Variants in AARS2 observed in about 807,000 individuals in gnomAD.
AARS2 encodes alanyl-tRNA synthetase 2, mitochondrial, also known as alanine--tRNA ligase, mitochondrial.
Under a neutral mutation model 119.7 loss-of-function variants are expected in AARS2, and 78 were observed. The ratio of observed to expected loss-of-function variants is 0.65; its 90% CI spans 0.54 to 0.79. The LOEUF is 0.79. AARS2 is among the 30% of genes least tolerant of loss of function. The probability of loss-of-function intolerance (pLI) is 0.00; values close to 1 mark genes in which losing one functional copy is unlikely to be tolerated. For synonymous variants in AARS2, 502 were observed against 526.3 expected, an observed-to-expected ratio of 0.95 and a Z score of 0.63; for missense variants, 1,157 against 1,291.3, an observed-to-expected ratio of 0.90 and a Z score of 1.59.
At chr6:44,311,563 G>C (rs200911992) in intron 2 of AARS2, 28 bp from the exon 3 acceptor site, 1 of 1,608,612 alleles carries the variant, frequency 6.2e-7, no homozygotes, top group Non-Finnish European at 8.5e-7. Context: ...ATGGGGTGGG[G>C]GGGGAAGACG....
rs1477120427 is a variant in AARS2 at position 44,312,265 on chromosome 6, T to A, written c.244-2A>T. ...GGTGCCCAGAAAGATTGGCTTGAAC[T>A]GGAAGCACATAGAGTGGGGAGGGGG... On this transcript the variant is annotated splice_acceptor_variant, in intron 1 of 21. Transcript: ENST00000244571. LOFTEE classifies it high-confidence loss of function. 1.2e-6 allele frequency: 2 copies of A among 1,613,434 alleles called. No homozygotes were observed. Among genetic ancestry groups the A allele is most frequent in the Non-Finnish European group, 1.7e-6 (2 of 1,179,540 alleles).
chr6:44,312,823 C>T (rs1174817005), intron 1 of AARS2, among the ~76,000 whole-genome samples: 1 of 152,200 alleles, frequency 6.6e-6, no homozygotes, highest in African/African-American at 2.4e-5. Flanking sequence ...TGAAATCAGA[C>T]TTCTCCCTCG....
rs1408809400 is a variant in AARS2 at position 44,304,281 on chromosome 6, TG to T, written c.1906del (p.His636ThrfsTer3). 2 of 1,614,028 alleles carry T rather than the reference TG, an allele frequency of 1.2e-6. No homozygotes were observed. Among genetic ancestry groups the T allele is most frequent in the African/African-American group, 1.3e-5 (1 of 74,912 alleles). On this transcript the variant is annotated frameshift_variant, in exon 14 of 22. Transcript: ENST00000244571. LOFTEE classifies it high-confidence loss of function. ...CTGCCTCAGTGCCCAGTTCAGCAGG[TG>T]GGTGGCCGTATGCTTCGCCATGCAG... is the stretch of plus-strand genomic sequence containing the variant. ...LGCMAKHTAT[H>X]LLNWALRQTL...
chr6:44,306,339 C>T lies in AARS2; in HGVS notation c.1241G>A (p.Arg414Gln), dbSNP rs373597329. The change falls in exon 9 of 22, where the codon CGG becomes CAG. Residue 414 changes from arginine to glutamine, a missense_variant. Arg to Gln is a conservative substitution (Grantham distance 43, BLOSUM62 1). Transcript: ENST00000244571. The part of the protein sequence containing the change: ...DEAAFLASLE[R>Q]GRRIIDRTLR... ...AGTCCGATCAATGATCCGCCTACCC[C>T]GCTCCAGGGAGGCCAGGAAGGCTGC... is the stretch of plus-strand genomic sequence containing the variant. 21 of 1,614,040 alleles carry T rather than the reference C, an allele frequency of 1.3e-5. No homozygotes were observed. The highest frequency in any genetic ancestry group is 6.6e-5 in the South Asian group (6 of 91,090).
At chr6:44,303,898 G>C (rs936243674) in intron 14 of AARS2, among the ~76,000 whole-genome samples, 19 of 152,206 alleles carry the variant, frequency 1.2e-4, no homozygotes, top group Non-Finnish European at 2.4e-4. Flanking sequence ...GATGACAGTA[G>C]AAACAAGGAA....
Position 44,304,742 on chromosome 6 carries a change from C to G in AARS2, c.1655G>C (p.Gly552Ala). Residue 552 changes from glycine (G) to alanine (A), a missense_variant, in exon 12 of 22, where the codon GGC becomes GCC. Coordinates refer to ENST00000244571, the MANE Select transcript of AARS2 (RefSeq NM_020745.4). ...DGTAVASVGK[G>A]QRCGLLLDRT... ...GTCCAAGAGGAGGCCACAGCGCTGG[C>G]CTTTCCCCACGGAGGCCACTGCTGT... The G allele has an allele frequency of 6.2e-7, 1 of 1,614,204 alleles. No homozygotes were observed. Among genetic ancestry groups the G allele is most frequent in the Non-Finnish European group, 8.5e-7 (1 of 1,180,032 alleles).
chr6:44,308,741 A>G lies in AARS2; in HGVS notation c.895-1347T>C, dbSNP rs573195087. Among the ~76,000 whole-genome samples, 297 of 152,180 alleles carry G rather than the reference A, an allele frequency of 2.0e-3. 1 individual carries two copies. The highest frequency in any genetic ancestry group is 6.5e-3 in the African/African-American group (270 of 41,544). On this transcript the variant is annotated intron_variant, in intron 5 of 21. Transcript: ENST00000244571. ...CAGCCTCCCAAGTGGCTGGGACTAC[A>G]GGTGTGTGCCACCATGCCTGGCTGA...
Position 44,301,419 on chromosome 6 carries a change from G to A in AARS2, c.2644C>T (p.Pro882Ser), listed in dbSNP as rs985933613. 3 of 1,613,746 alleles carry A rather than the reference G, an allele frequency of 1.9e-6. No homozygotes were observed. The highest frequency in any genetic ancestry group is 2.5e-6 in the Non-Finnish European group (3 of 1,180,026). Reference protein sequence around the residue: ...QELLERHSKGPLIVDTVSAES... With the variant: ...QELLERHSKGSLIVDTVSAES... ...GCAGAGACTGTGTCCACAATCAGAGGCCCCTTCGAGTGCCGCTCCAGCAGC... is the reference window on the plus strand; with the variant it reads ...GCAGAGACTGTGTCCACAATCAGAGACCCCTTCGAGTGCCGCTCCAGCAGC... The change falls in exon 20 of 22, where the codon CCT becomes TCT. Residue 882 changes from proline to serine, a missense_variant. Transcript: ENST00000244571.
chr6:44,304,278 A>T lies in AARS2; in HGVS notation c.1910T>A (p.Leu637Gln), dbSNP rs1164019651. The stretch of plus-strand genomic sequence containing the variant: ...GGTCTGCCTCAGTGCCCAGTTCAGC[A>T]GGTGGGTGGCCGTATGCTTCGCCAT... ...GCMAKHTATH[L>Q]LNWALRQTLG... Residue 637 changes from leucine to glutamine, a missense_variant, in exon 14 of 22, where the codon CTG becomes CAG. Coordinates refer to ENST00000244571, the MANE Select transcript of AARS2 (RefSeq NM_020745.4). 6.2e-7 allele frequency: 1 copy of T among 1,614,060 alleles called. No homozygotes were observed. Among genetic ancestry groups the T allele is most frequent in the Non-Finnish European group, 8.5e-7 (1 of 1,180,026 alleles).
intron 18 of AARS2, 48 bp downstream of exon 18, chr6:44,302,343 G>T (rs557161014): frequency 6.2e-7 from 1 of 1,613,808 alleles, no homozygotes; most frequent in South Asian, 1.1e-5. Context: ...GAGGAATAGG[G>T]GAGGTAATAG....
At position 44,301,311 on chromosome 6, in the gene AARS2, C is replaced by G. The variant is rs77555031; in HGVS notation, c.2683-45G>C. ...TGGTGAGCCCATCGCTTCCCAGACC[C>G]CTAGCTGTCTCCTGGTCAGGACTTT... On this transcript the variant is annotated intron_variant, in intron 20 of 21. Transcript: ENST00000244571. 2,141 of 1,613,142 alleles carry G rather than the reference C, an allele frequency of 1.3e-3. 25 individuals carry two copies. In the African/African-American group the frequency reaches 0.024, roughly 18 times the overall value.
chr6:44,301,990 C>G (rs1785396265), intron 19 of AARS2, 70 bp downstream of exon 19: 1 of 1,514,882 alleles, frequency 6.6e-7, no homozygotes. Context: ...CATGCCCCAG[C>G]CCTTGAGACT....
At position 44,301,387 on chromosome 6, in the gene AARS2, A is replaced by C; in HGVS notation, c.2676T>G (p.Ser892=). Residue 892 remains serine, a synonymous_variant, in exon 20 of 22, where the codon TCT becomes TCG. Coordinates refer to ENST00000244571, the MANE Select transcript of AARS2 (RefSeq NM_020745.4). ...CGGCTTGGCTAGCACTCACTGAGAGAGACTCAGCAGAGACTGTGTCCACAA... is the reference window on the plus strand; with the variant it reads ...CGGCTTGGCTAGCACTCACTGAGAGCGACTCAGCAGAGACTGTGTCCACAA... ...PLIVDTVSAE[S]LSVLVKVVRQ... 1 of 1,613,948 alleles carries C rather than the reference A, an allele frequency of 6.2e-7. No individual in the cohort carries two copies. Among genetic ancestry groups the C allele is most frequent in the Non-Finnish European group, 8.5e-7 (1 of 1,180,022 alleles).
rs1304511310 is a variant in AARS2, at chr6:44,305,056, T to C, written c.1577A>G (p.Tyr526Cys). The change falls in exon 11 of 22, where the codon TAT (tyrosine) becomes TGT (cysteine). Residue 526 changes from tyrosine to cysteine, a missense_variant and splice_region_variant. Coordinates refer to ENST00000244571, the MANE Select transcript of AARS2 (RefSeq NM_020745.4). This position sits in a 1 kb window ranked among gnomAD's most constrained non-coding sequence, Gnocchi z 4.6. Reference protein sequence around the residue: ...YNYSLRPSGSYEFGTCEAQVL... With the variant: ...YNYSLRPSGSCEFGTCEAQVL... ...CAGGCCTTGGTCCAGGCTCTCACCA[T>C]AACTTCCGCTGGGTCGCAGGGAGTA... The C allele has an allele frequency of 1.2e-6, 2 of 1,614,102 alleles. No homozygotes were observed. The highest frequency in any genetic ancestry group is 4.5e-5 in the East Asian group (2 of 44,880).
chr6:44,305,274 C>T lies in AARS2; in HGVS notation c.1435-76G>A. ...AAAGTGGGACTTCAGCCTCGCAGGG[C>T]CCTGTCCCTGCCACACAGCTGTGGA... On this transcript the variant is annotated intron_variant, in intron 10 of 21. Transcript: ENST00000244571. The surrounding 1 kb of genome is among the most constrained non-coding windows in gnomAD (Gnocchi z 4.6). 1.3e-6 allele frequency: 2 copies of T among 1,581,250 alleles called. No individual in the cohort carries two copies. The highest frequency in any genetic ancestry group is 1.7e-6 in the Non-Finnish European group (2 of 1,164,502).
At chr6:44,308,553 A>AC (rs951457530) in intron 5 of AARS2, among the ~76,000 whole-genome samples, 54 of 152,210 alleles carry the variant, frequency 3.5e-4, no homozygotes, top group African/African-American at 1.2e-3. Flanking sequence ...AAAAAAAAAA[A>AC]AGAAGGGTTC....
At position 44,311,475 on chromosome 6, in the gene AARS2, T is replaced by A. The variant is rs375637000; in HGVS notation, c.496A>T (p.Arg166Trp). Residue 166 changes from arginine (R) to tryptophan (W), a missense_variant, in exon 3 of 22, where the codon AGG becomes TGG. Physicochemically the swap from Arg to Trp is moderately radical, Grantham distance 101. Coordinates refer to ENST00000244571, the MANE Select transcript of AARS2 (RefSeq NM_020745.4). ...LTQVYGIPEE[R>W]LWISYFDGDP... ...CCATCAAAGTAGGAGATCCAGAGCC[T>A]TTCCTCAGGGATCCCATAGACCTGA... is the stretch of plus-strand genomic sequence containing the variant. The A allele has an allele frequency of 6.2e-7, 1 of 1,614,088 alleles. No individual in the cohort carries two copies. The highest frequency in any genetic ancestry group is 8.5e-7 in the Non-Finnish European group (1 of 1,180,004).
At position 44,302,838 on chromosome 6, in the gene AARS2, G is replaced by T. The variant is rs759643213; in HGVS notation, c.2328C>A (p.Thr776=). 2.5e-5 allele frequency: 41 copies of T among 1,613,936 alleles called. No individual in the cohort carries two copies. The highest frequency in any genetic ancestry group is 3.4e-5 in the Non-Finnish European group (40 of 1,180,026). The change falls in exon 17 of 22, where the codon ACC becomes ACA. Residue 776 remains threonine, a synonymous_variant. Transcript: ENST00000244571. The part of the protein sequence containing the change: ...IGDRQLSKGT[T]RLLAVTGEQA... ...GCTCCCCAGTGACGGCCAGCAGGCG[G>T]GTAGTGCCCTTGGAAAGCTGGCGGT...
chr6:44,305,679 C>G lies in AARS2; in HGVS notation c.1408G>C (p.Glu470Gln), dbSNP rs863223863. 1.2e-6 allele frequency: 2 copies of G among 1,614,134 alleles called. No individual in the cohort carries two copies. The highest frequency in any genetic ancestry group is 1.7e-6 in the Non-Finnish European group (2 of 1,180,028). ...TGGGCCTCCTCTTGGGCCAACCGCTCCAGTCCAGCGGAGTCTAGCTGGACC... is the reference window on the plus strand; with the variant it reads ...TGGGCCTCCTCTTGGGCCAACCGCTGCAGTCCAGCGGAGTCTAGCTGGACC... ...KGVQLDSAGL[E>Q]RLAQEEAQHR... Residue 470 changes from glutamate to glutamine, a missense_variant, in exon 10 of 22, where the codon GAG becomes CAG. Transcript: ENST00000244571. The surrounding 1 kb of genome is among the most constrained non-coding windows in gnomAD (Gnocchi z 4.6).
Sources: allele counts gnomAD v4.1 joint callset (sites outside exome capture counted in the v4.1 genomes callset), GRCh38; gene constraint gnomAD v4.1.1; non-coding constraint Gnocchi (gnomAD v3.1); transcripts MANE v1.5; gene names NCBI Gene and HGNC (gene_info 2026-07-23, HGNC 2026-07-21).